The following NAALADL2 variants were observed in gnomAD, a reference collection of about 807,000 sequenced individuals.
NAALADL2 encodes the protein inactive N-acetylated-alpha-linked acidic dipeptidase-like protein 2.
A neutral mutation model predicts 87.2 loss-of-function variants in NAALADL2; 76 were observed. The observed-to-expected ratio is 0.87, with a 90% CI of 0.72 to 1.05. The LOEUF (loss-of-function observed/expected upper bound fraction) is 1.05, where lower values mean the gene tolerates loss of function less well. NAALADL2 is among the 50% of genes least tolerant of loss of function. The pLI is 0.00. For synonymous variants in NAALADL2, 354 were observed against 331.0 expected (o/e 1.07, Z -0.75); for missense variants, 1,089 against 945.8 (o/e 1.15, Z -1.99).
intron 2 of NAALADL2, among the ~76,000 whole-genome samples, chr3:175,116,984 C>G (rs1051977262): frequency 7.2e-5 from 11 of 152,108 alleles, no homozygotes; most frequent in African/African-American, 2.2e-4. Context: ...TGATATTTGA[C>G]AAACCTGACA....
At chr3:175,165,826 C>A (rs116251649) in intron 2 of NAALADL2, among the ~76,000 whole-genome samples, 2,079 of 152,114 alleles carry the variant, frequency 0.014, 53 homozygotes, top group African/African-American at 0.048. Flanking sequence ...ACCTCGGATT[C>A]CAGGGGTGTG....
At chr3:175,096,209 C>A (rs961853998) in intron 1 of NAALADL2, among the ~76,000 whole-genome samples, 5 of 152,060 alleles carry the variant, frequency 3.3e-5, no homozygotes, top group African/African-American at 1.2e-4. Context: ...TGTAACATAA[C>A]AGATTTTGCT....
intron 2 of NAALADL2, among the ~76,000 whole-genome samples, chr3:174,655,391 C>A (rs1438737690): frequency 6.8e-6 from 1 of 146,548 alleles, no homozygotes; most frequent in African/African-American, 2.5e-5. Flanking sequence ...GAACAACAGT[C>A]ATTTAAATTA....
Position 174,802,656 on chromosome 3 carries a change from C to T in NAALADL2, c.-9+64910C>T, listed in dbSNP as rs762228228. 5.9e-5 allele frequency among the ~76,000 whole-genome samples: 9 copies of T among 152,120 alleles called. No individual in the cohort carries two copies. In the East Asian group the frequency reaches 7.7e-4, roughly 13 times the overall value. ...CAGCCCACCACCTCCCGACAGGCCC[C>T]GGTGTGTGATGTTCCTTGCCCTGTG... On this transcript the variant is annotated intron_variant, in intron 3 of 3. Coordinates refer to the NAALADL2 transcript ENST00000434257.
chr3:175,154,921 T>G (rs186646246), intron 2 of NAALADL2, among the ~76,000 whole-genome samples: 1 of 152,248 alleles, frequency 6.6e-6, no homozygotes, highest in East Asian at 1.9e-4. Context: ...TAAAGGAATT[T>G]CAAAATGGAC....
intron 5 of NAALADL2, among the ~76,000 whole-genome samples, chr3:175,444,811 A>T (rs1253765253): frequency 6.6e-6 from 1 of 152,174 alleles, no homozygotes; most frequent in Non-Finnish European, 1.5e-5. Flanking sequence ...CACTGCTCTT[A>T]TATAACAAAA....
At chr3:175,137,442 A>C (rs955688881) in intron 2 of NAALADL2, among the ~76,000 whole-genome samples, 1 of 152,058 alleles carries the variant, frequency 6.6e-6, no homozygotes, top group African/African-American at 2.4e-5. Flanking sequence ...ACATGCCTTA[A>C]TTTATTTAAC....
intron 1 of NAALADL2, among the ~76,000 whole-genome samples, chr3:174,996,280 G>A (rs1238646865): frequency 1.3e-5 from 2 of 151,918 alleles, no homozygotes; most frequent in African/African-American, 2.4e-5. Flanking sequence ...GGCAGATCAC[G>A]AGGTCAGGAG....
At chr3:174,913,255 A>G (rs1340861312) in intron 1 of NAALADL2, among the ~76,000 whole-genome samples, 1 of 152,140 alleles carries the variant, frequency 6.6e-6, no homozygotes, top group Non-Finnish European at 1.5e-5. Context: ...ACCCTTCTTT[A>G]ATGAAAACAT....
chr3:174,461,133 A>G (rs1716190983), intron 1 of NAALADL2, among the ~76,000 whole-genome samples: 1 of 152,074 alleles, frequency 6.6e-6, no homozygotes, highest in Non-Finnish European at 1.5e-5. Flanking sequence ...GAAGATCTAA[A>G]TAGAATGTAG....
chr3:174,962,690 T>C (rs896485097), intron 1 of NAALADL2, among the ~76,000 whole-genome samples: 3 of 151,938 alleles, frequency 2.0e-5, no homozygotes, highest in Non-Finnish European at 2.9e-5. Flanking sequence ...CTGAAACTTG[T>C]TATCTCGATT....
intron 4 of NAALADL2, among the ~76,000 whole-genome samples, chr3:175,281,317 A>G (rs889103188): frequency 6.6e-6 from 1 of 151,848 alleles, no homozygotes; most frequent in African/African-American, 2.4e-5. Flanking sequence ...TTTTATTGCC[A>G]GTTAAGGTTT....
At chr3:175,564,976 C>T (rs1716876331) in intron 9 of NAALADL2, among the ~76,000 whole-genome samples, 1 of 152,216 alleles carries the variant, frequency 6.6e-6, no homozygotes, top group African/African-American at 2.4e-5. Context: ...CAAAGGAATC[C>T]ATGGAGTCTT....
At chr3:175,710,477 T>G (rs1673922714) in intron 11 of NAALADL2, among the ~76,000 whole-genome samples, 1 of 151,848 alleles carries the variant, frequency 6.6e-6, no homozygotes, top group African/African-American at 2.4e-5. Context: ...AATAATGAAG[T>G]TTCTACAAGT....
intron 10 of NAALADL2, among the ~76,000 whole-genome samples, chr3:175,620,683 G>A (rs574358035): frequency 6.6e-6 from 1 of 152,192 alleles, no homozygotes; most frequent in Non-Finnish European, 1.5e-5. Context: ...GCGAACAGGG[G>A]CATGTCACAG....
intron 4 of NAALADL2, among the ~76,000 whole-genome samples, chr3:175,296,010 A>G (rs1321846841): frequency 1.9e-5 from 1 of 52,796 alleles, no homozygotes; most frequent in African/African-American, 4.5e-5. Flanking sequence ...AAGTCAGCCA[A>G]GTGGGTTTTG....
intron 10 of NAALADL2, among the ~76,000 whole-genome samples, chr3:175,603,481 T>G (rs1723236214): frequency 6.6e-6 from 1 of 152,114 alleles, no homozygotes; most frequent in Non-Finnish European, 1.5e-5. Flanking sequence ...CACTCCCTTC[T>G]CCCTCCAGGC....
intron 4 of NAALADL2, among the ~76,000 whole-genome samples, chr3:175,322,817 T>C (rs1000616920): frequency 2.2e-4 from 32 of 147,744 alleles, no homozygotes; most frequent in African/African-American, 7.9e-4. Context: ...AGAATGGCAA[T>C]CATTAAAAAG....
At chr3:174,690,648 G>A (rs1012783875) in intron 2 of NAALADL2, among the ~76,000 whole-genome samples, 4 of 152,058 alleles carry the variant, frequency 2.6e-5, no homozygotes, top group African/African-American at 9.7e-5. Context: ...TATGAAATGC[G>A]AGTGACAAAG....
Sources: gnomAD v4.1 joint callset for allele counts (sites outside exome capture counted in the v4.1 genomes callset) on GRCh38, gnomAD v4.1.1 for gene constraint, MANE v1.5 for transcripts, NCBI Gene and HGNC (gene_info 2026-07-23, HGNC 2026-07-21) for gene names.